PAXIP1: variants seen among roughly 807,000 people sequenced by gnomAD.
The protein encoded by PAXIP1 is PAX-interacting protein 1.
Under a neutral mutation model 140.6 loss-of-function variants are expected in PAXIP1, and 19 were observed. The observed-to-expected ratio is 0.14, with a 90% confidence interval of 0.09 to 0.20. PAXIP1 has a LOEUF of 0.20. Ranked by LOEUF, PAXIP1 falls within the 10% of genes least tolerant of loss-of-function variation. The pLI, the probability that PAXIP1 is intolerant of heterozygous loss-of-function variation, is 1.00. For synonymous variants in PAXIP1, 442 were observed against 444.6 expected, an observed-to-expected ratio of 0.99 and a Z score of 0.07; for missense variants, 920 against 1,208.6, an observed-to-expected ratio of 0.76 and a Z score of 3.54.
At chr7:154,992,447 T>G (rs1810380538) in intron 3 of PAXIP1, among the ~76,000 whole-genome samples, 1 of 152,114 alleles carries the variant, frequency 6.6e-6, no homozygotes. Context: ...CTCAGGAGGC[T>G]GAGGCAAGAG....
intron 5 of PAXIP1, among the ~76,000 whole-genome samples, chr7:154,981,929 A>C (rs1027207011): frequency 9.2e-5 from 14 of 152,196 alleles, no homozygotes; most frequent in Non-Finnish European, 1.5e-4. Context: ...AGGGGAAAAA[A>C]CGCTAAATTA....
At chr7:154,949,299 G>T (rs974913263) in intron 16 of PAXIP1, 1 of 152,044 alleles carries the variant, frequency 6.6e-6, no homozygotes, top group African/African-American at 2.4e-5. Context: ...CATTTTCAGC[G>T]TATGGACCAG....
intron 12 of PAXIP1, 96 bp from the exon 13 acceptor site, chr7:154,960,029 G>A (rs1808689675): frequency 2.5e-6 from 2 of 796,496 alleles, no homozygotes; most frequent in South Asian, 2.9e-5. Flanking sequence ...TCACCAGACA[G>A]GTGGTTTAGC....
chr7:154,976,420 A>G, intron 5 of PAXIP1, 89 bp from the exon 6 acceptor site: 1 of 1,485,980 alleles, frequency 6.7e-7, no homozygotes, highest in Non-Finnish European at 9.0e-7. Flanking sequence ...AACTCAGTCA[A>G]GGAATGCAGT....
rs1391672034 is a variant in PAXIP1, at chr7:154,968,617, C to CTGCTGCTGCTGGAGCAGGCTG, written c.1563_1583dup (p.His521_Gln527dup). 1 of 715,124 alleles carries CTGCTGCTGCTGGAGCAGGCTG rather than the reference C, an allele frequency of 1.4e-6. No individual in the cohort carries two copies. The highest frequency in any genetic ancestry group is 2.6e-6 in the Non-Finnish European group (1 of 384,848). The allele number at this position is 715,124 out of a possible 1,614,324, so 44.3% of individuals were successfully genotyped here. A position where few individuals can be genotyped will look rare whatever the true frequency, so the allele number is the denominator to read the frequency against. On this transcript the variant is annotated inframe_insertion, in exon 7 of 21. Transcript: ENST00000404141. ...GCTGCTGCTGCTGAATCTGCTGTTG[C>CTGCTGCTGCTGGAGCAGGCTG]TGCTGCTGCTGGAGCAGGCTGTGCT...
chr7:154,948,135 T>C (rs1275892954), intron 16 of PAXIP1, 132 bp from the exon 17 acceptor site: 1 of 682,676 alleles, frequency 1.5e-6, no homozygotes, highest in African/African-American at 1.8e-5. Context: ...CCTTCGGATA[T>C]TTAAATGTCA....
intron 5 of PAXIP1, among the ~76,000 whole-genome samples, chr7:154,976,759 G>A (rs952925854): frequency 1.6e-4 from 24 of 152,132 alleles, no homozygotes; most frequent in African/African-American, 4.1e-4. Flanking sequence ...AATGCATCAC[G>A]TACACTCATG....
intron 16 of PAXIP1, among the ~76,000 whole-genome samples, chr7:154,952,558 A>G (rs1049371217): frequency 6.6e-6 from 1 of 152,240 alleles, no homozygotes; most frequent in Admixed American, 6.5e-5. Context: ...AGCTTCATGC[A>G]GGCGTGAGTT....
chr7:154,953,284 T>C (rs1808355163), intron 16 of PAXIP1, among the ~76,000 whole-genome samples: 1 of 152,132 alleles, frequency 6.6e-6, no homozygotes, highest in Non-Finnish European at 1.5e-5. Context: ...GGTGAGAAAG[T>C]GCGAGAACAC....
chr7:154,974,871 G>A (rs1279162193), intron 6 of PAXIP1, among the ~76,000 whole-genome samples: 2 of 151,804 alleles, frequency 1.3e-5, no homozygotes, highest in Non-Finnish European at 2.9e-5. Flanking sequence ...AAGGCCATGC[G>A]TGGTGGCTCA....
At chr7:154,952,774 T>C (rs949692558) in intron 16 of PAXIP1, among the ~76,000 whole-genome samples, 10 of 152,368 alleles carry the variant, frequency 6.6e-5, no homozygotes, top group African/African-American at 2.4e-4. Flanking sequence ...TGCAACTTTA[T>C]AGAGCATAAC....
chr7:154,961,979 C>T (rs548154921), intron 10 of PAXIP1, among the ~76,000 whole-genome samples: 2 of 152,340 alleles, frequency 1.3e-5, no homozygotes, highest in South Asian at 2.1e-4. Flanking sequence ...CTGATCCCAA[C>T]GCTGAGATCA....
Position 154,973,606 on chromosome 7 carries a change from C to T in PAXIP1, c.1074+2090G>A, listed in dbSNP as rs946351537. On this transcript the variant is annotated intron_variant, in intron 6 of 20. Transcript: ENST00000404141. The surrounding 1 kb of genome is among the most constrained non-coding windows in gnomAD (Gnocchi z 4.0). ...CAACCGCTGTCATCATCCCAAGAAC[C>T]GTGTACTACTAATACTCGCTGCTTA... is the stretch of plus-strand genomic sequence containing the variant. 6.6e-6 allele frequency among the ~76,000 whole-genome samples: 1 copy of T among 152,194 alleles called. No homozygotes were observed. The highest frequency in any genetic ancestry group is 2.1e-4 in the South Asian group (1 of 4,836).
rs575822249 is a variant in PAXIP1 at position 154,994,129 on chromosome 7, C to T, written c.217-360G>A. On this transcript the variant is annotated intron_variant, in intron 2 of 20. Transcript: ENST00000404141. ...TCCAGGGCATAGTCAGCCTCTCATA[C>T]GCTCCCTTCTTGAATCCCAAATTCA... is the stretch of plus-strand genomic sequence containing the variant. 3.1e-4 allele frequency among the ~76,000 whole-genome samples: 47 copies of T among 152,230 alleles called. No homozygotes were observed. In the East Asian group the frequency reaches 8.3e-3, roughly 27 times the overall value.
At chr7:155,002,620 C>T (rs902804110) in intron 1 of PAXIP1, among the ~76,000 whole-genome samples, 1 of 151,820 alleles carries the variant, frequency 6.6e-6, no homozygotes, top group Non-Finnish European at 1.5e-5. Context: ...CACTAGGGGC[C>T]GAGGTACAGA....
chr7:154,985,098 C>T (rs1241759980), intron 4 of PAXIP1, among the ~76,000 whole-genome samples: 1 of 152,206 alleles, frequency 6.6e-6, no homozygotes, highest in Non-Finnish European at 1.5e-5. Context: ...TCCATACCAG[C>T]TCATTTAATG....
chr7:154,984,612 A>C (rs1341339364), intron 4 of PAXIP1, among the ~76,000 whole-genome samples: 2 of 152,222 alleles, frequency 1.3e-5, no homozygotes, highest in African/African-American at 4.8e-5. Flanking sequence ...TCAAATCATT[A>C]TTTTATAACT....
intron 16 of PAXIP1, chr7:154,952,071 A>G (rs1808293578): frequency 6.6e-6 from 1 of 152,214 alleles, no homozygotes; most frequent in African/African-American, 2.4e-5. Context: ...AAATGTTTGT[A>G]GTAATTGTTT....
chr7:154,985,063 C>T (rs1459132859), intron 4 of PAXIP1, among the ~76,000 whole-genome samples: 1 of 152,114 alleles, frequency 6.6e-6, no homozygotes, highest in South Asian at 2.1e-4. Flanking sequence ...CACTGATGTA[C>T]GTTTGGATTA....
Sources: gnomAD v4.1 joint callset for allele counts (sites outside exome capture counted in the v4.1 genomes callset) on GRCh38, gnomAD v4.1.1 for gene constraint, Gnocchi (gnomAD v3.1) non-coding constraint, MANE v1.5 for transcripts, NCBI Gene and HGNC (gene_info 2026-07-23, HGNC 2026-07-21) for gene names.